The following KIAA1549L variants were observed in gnomAD, a reference collection of about 807,000 sequenced individuals.
The protein encoded by KIAA1549L is KIAA1549 like.
KIAA1549L carries 88 observed loss-of-function variants against 160.7 expected under a neutral mutation model. That is an observed-to-expected ratio of 0.55 (90% confidence interval 0.46 to 0.65). The LOEUF is 0.65. Among genes scored for constraint, KIAA1549L ranks in the 30% least tolerant of loss-of-function variants. KIAA1549L has a pLI of 0.00. For missense variants in KIAA1549L, 2,258 were observed against 2,437.5 expected (o/e 0.93, Z 1.55); for synonymous variants, 950 against 976.7 (o/e 0.97, Z 0.51).
At chr11:33,421,110 G>C (rs1450507354) in intron 1 of KIAA1549L, among the ~76,000 whole-genome samples, 1 of 152,190 alleles carries the variant, frequency 6.6e-6, no homozygotes, top group Non-Finnish European at 1.5e-5. Context: ...AGAGTGCTTG[G>C]GGAAGTGCAT....
At chr11:33,580,588 A>AAAAGG (rs1855604699) in intron 10 of KIAA1549L, among the ~76,000 whole-genome samples, 1 of 81,364 alleles carries the variant, frequency 1.2e-5, no homozygotes, top group East Asian at 4.2e-4. Context: ...AAAAAAAAAA[A>AAAAGG]AAAGAAAAGA....
chr11:33,466,606 T>A (rs761301551), intron 1 of KIAA1549L, among the ~76,000 whole-genome samples: 1 of 152,104 alleles, frequency 6.6e-6, no homozygotes, highest in Non-Finnish European at 1.5e-5. Context: ...GACCCAGCAA[T>A]CCTATTGCTG....
At chr11:33,457,853 G>A (rs1851862041) in intron 1 of KIAA1549L, among the ~76,000 whole-genome samples, 1 of 152,196 alleles carries the variant, frequency 6.6e-6, no homozygotes, top group Non-Finnish European at 1.5e-5. Flanking sequence ...CTCTTGGTTT[G>A]TATGTCTCCA....
intron 13 of KIAA1549L, 43 bp downstream of exon 13, chr11:33,598,990 C>CGCGTGCCCGCACACACAT (rs1447646072): frequency 5.6e-6 from 9 of 1,607,176 alleles, no homozygotes; most frequent in Non-Finnish European, 7.6e-6. Flanking sequence ...GCTGCTCCCA[C>CGCGTGCCCGCACACACAT]GCGTGCCCGC....
chr11:33,526,544 C>T (rs1277359934), intron 1 of KIAA1549L, among the ~76,000 whole-genome samples: 1 of 152,150 alleles, frequency 6.6e-6, no homozygotes, highest in Non-Finnish European at 1.5e-5. Flanking sequence ...CTGGTAGCCC[C>T]GCTGGGTGGC....
At chr11:33,513,039 T>A (rs1853262267) in intron 1 of KIAA1549L, among the ~76,000 whole-genome samples, 1 of 152,014 alleles carries the variant, frequency 6.6e-6, no homozygotes, top group Non-Finnish European at 1.5e-5. Context: ...GATGATGTGG[T>A]GTAATCAACC....
At chr11:33,463,270 C>G in intron 1 of KIAA1549L, among the ~76,000 whole-genome samples, 1 of 152,256 alleles carries the variant, frequency 6.6e-6, no homozygotes, top group African/African-American at 2.4e-5. Flanking sequence ...CACACTCAAT[C>G]CCAGGAAGCA....
intron 16 of KIAA1549L, among the ~76,000 whole-genome samples, chr11:33,625,079 GACAT>G (rs1851063774): frequency 1.3e-5 from 2 of 151,716 alleles, no homozygotes; most frequent in Admixed American, 1.3e-4. Flanking sequence ...CCCTACAAAG[GACAT>G]GAACTCATCA....
chr11:33,414,760 G>A (rs1850855143), intron 1 of KIAA1549L, among the ~76,000 whole-genome samples: 1 of 152,096 alleles, frequency 6.6e-6, no homozygotes, highest in African/African-American at 2.4e-5. Context: ...CTAGTGGAGA[G>A]GTAATCGAAT....
At chr11:33,450,437 G>T (rs1442475737) in intron 1 of KIAA1549L, among the ~76,000 whole-genome samples, 1 of 151,942 alleles carries the variant, frequency 6.6e-6, no homozygotes, top group Non-Finnish European at 1.5e-5. Context: ...GTGCACACCT[G>T]TAGTCCCAGC....
At position 33,598,740 on chromosome 11, in the gene KIAA1549L, CTG is replaced by C. The variant is rs998905821; in HGVS notation, c.4752-77_4752-76del. 33 of 1,505,490 alleles carry C rather than the reference CTG, an allele frequency of 2.2e-5. No homozygotes were observed. In the African/African-American group the frequency reaches 3.2e-4, roughly 15 times the overall value. 93.3% of individuals were successfully genotyped at this position (1,505,490 alleles called of 1,614,324 possible). On this transcript the variant is annotated intron_variant, in intron 12 of 20. Coordinates refer to ENST00000658780, the MANE Select transcript of KIAA1549L (RefSeq NM_012194.3). The stretch of plus-strand genomic sequence containing the variant: ...GGAATGAAAGGCTACAGACATTAAA[CTG>C]TGCAAATAAAATAACCTTGAGAGGC...
chr11:33,594,506 T>A (rs1289009840), intron 12 of KIAA1549L, among the ~76,000 whole-genome samples: 1 of 152,196 alleles, frequency 6.6e-6, no homozygotes, highest in Non-Finnish European at 1.5e-5. Context: ...AGGGCCTTTG[T>A]TCATATGGTT....
At chr11:33,584,478 G>A (rs1289677181) in intron 11 of KIAA1549L, among the ~76,000 whole-genome samples, 1 of 152,164 alleles carries the variant, frequency 6.6e-6, no homozygotes, top group Non-Finnish European at 1.5e-5. Flanking sequence ...CCAGTGACTG[G>A]GAAAGAAATG....
In KIAA1549L at chr11:33,559,865, G is replaced by A; in HGVS notation, c.3972G>A (p.Glu1324=). 3 of 1,614,034 alleles carry A rather than the reference G, an allele frequency of 1.9e-6. No homozygotes were observed. The highest frequency in any genetic ancestry group is 2.5e-6 in the Non-Finnish European group (3 of 1,179,898). The change falls in exon 7 of 21, where the codon GAG becomes GAA. Residue 1324 remains glutamate (E), a synonymous_variant. Transcript: ENST00000658780. The part of the protein sequence containing the change: ...ASSLLSQLSA[E]LVGFYLTYPP... ...GCCTCCTCAGCCAGCTCTCGGCTGA[G>A]CTGGTGGGATTCTACCTCACCTATC...
intron 1 of KIAA1549L, among the ~76,000 whole-genome samples, chr11:33,423,209 C>G (rs959928606): frequency 2.6e-5 from 4 of 152,232 alleles, no homozygotes; most frequent in African/African-American, 9.6e-5. Context: ...TCAATAGGAT[C>G]TAGTTTGAGA....
At chr11:33,595,128 C>T (rs907122914) in intron 12 of KIAA1549L, among the ~76,000 whole-genome samples, 3 of 152,132 alleles carry the variant, frequency 2.0e-5, no homozygotes, top group Non-Finnish European at 2.9e-5. Flanking sequence ...TCTTGCTAAT[C>T]AATTACCCCC....
chr11:33,658,857 T>C lies in KIAA1549L; in HGVS notation c.5966T>C (p.Val1989Ala). 6.4e-7 allele frequency: 1 copy of C among 1,562,050 alleles called. No homozygotes were observed. The highest frequency in any genetic ancestry group is 8.7e-7 in the Non-Finnish European group (1 of 1,153,292). ...TTCACGCAGATGTCCAGAGGCCCTGTGTCCGTGACGCAGTTGGATCAGTCG... is the reference window on the plus strand; with the variant it reads ...TTCACGCAGATGTCCAGAGGCCCTGCGTCCGTGACGCAGTTGGATCAGTCG... ...ASFTQMSRGP[V>A]SVTQLDQSAL... Residue 1989 changes from valine to alanine, a missense_variant, in exon 19 of 21, where the codon GTG (valine) becomes GCG (alanine). Val to Ala is a moderately conservative substitution (Grantham distance 64). Coordinates refer to ENST00000658780, the MANE Select transcript of KIAA1549L (RefSeq NM_012194.3).
chr11:33,654,537 A>G (rs867260000), intron 17 of KIAA1549L, among the ~76,000 whole-genome samples: 1 of 152,144 alleles, frequency 6.6e-6, no homozygotes, highest in Admixed American at 6.5e-5. Context: ...GATCATTGCC[A>G]TCCATCCTCC....
At chr11:33,481,190 A>G (rs1434502842) in intron 1 of KIAA1549L, among the ~76,000 whole-genome samples, 3 of 152,094 alleles carry the variant, frequency 2.0e-5, no homozygotes, top group African/African-American at 7.2e-5. Context: ...GTATATATTT[A>G]TATCAGTTCT....
Sources: allele counts gnomAD v4.1 joint callset (sites outside exome capture counted in the v4.1 genomes callset), GRCh38; gene constraint gnomAD v4.1.1; transcripts MANE v1.5; gene names NCBI Gene and HGNC (gene_info 2026-07-23, HGNC 2026-07-21).